ITM2B: variants seen among roughly 807,000 people sequenced by gnomAD.
ITM2B encodes ABri/ADan amyloid peptide.
ITM2B carries 11 observed loss-of-function variants against 27.8 expected under a neutral mutation model. The ratio of observed to expected loss-of-function variants is 0.40; its 90% CI spans 0.25 to 0.66. The LOEUF (loss-of-function observed/expected upper bound fraction) is 0.66. ITM2B is among the 30% of genes least tolerant of loss of function. The pLI is 0.43. For missense variants in ITM2B, 296 were observed against 328.9 expected (o/e 0.90, Z 0.77); for synonymous variants, 114 against 114.3 (o/e 1.00, Z 0.02).
chr13:48,239,179 T>C (rs191801029), intron 1 of ITM2B, among the ~76,000 whole-genome samples: 87 of 152,326 alleles, frequency 5.7e-4, no homozygotes, highest in Non-Finnish European at 4.6e-4. Context: ...ATCCAATTCA[T>C]TTTTTCCTCC....
chr13:48,233,497 G>C lies in ITM2B; in HGVS notation c.117+20G>C, dbSNP rs1239505873. 4 of 1,476,904 alleles carry C rather than the reference G, an allele frequency of 2.7e-6. No individual in the cohort carries two copies. The highest frequency in any genetic ancestry group is 3.6e-6 in the Non-Finnish European group (4 of 1,099,728). The allele number at this position is 1,476,904 out of a possible 1,614,324, so 91.5% of individuals were successfully genotyped here. A position where few individuals can be genotyped will look rare whatever the true frequency, so the allele number is the denominator to read the frequency against. ...TGCAAGGTCCGAGCCCGGGGAGGTCGAGGAAGCGGGTGCTGGGCCCGGCCG... is the reference window on the plus strand; with the variant it reads ...TGCAAGGTCCGAGCCCGGGGAGGTCCAGGAAGCGGGTGCTGGGCCCGGCCG... On this transcript the variant is annotated intron_variant, in intron 1 of 5. Transcript: ENST00000647800.
At chr13:48,235,505 G>T (rs188112837) in intron 1 of ITM2B, among the ~76,000 whole-genome samples, 2 of 152,314 alleles carry the variant, frequency 1.3e-5, no homozygotes, top group Admixed American at 6.5e-5. Flanking sequence ...TTTAGGGGAT[G>T]ACAAAATATT....
rs931633903 is a variant in ITM2B, at chr13:48,238,235, C to A, written c.117+4758C>A. On this transcript the variant is annotated intron_variant, in intron 1 of 5. Coordinates refer to ENST00000647800, the MANE Select transcript of ITM2B (RefSeq NM_021999.5). ...GATTATCCCTTTTAATTAGTACTTA[C>A]AACACATATTTTTAATAGCTTTAAG... Among the ~76,000 whole-genome samples the A allele has an allele frequency of 4.6e-5, 7 of 152,146 alleles. No individual in the cohort carries two copies. In the East Asian group the frequency reaches 1.2e-3, roughly 25 times the overall value.
At chr13:48,243,213 T>G (rs943364777) in intron 1 of ITM2B, among the ~76,000 whole-genome samples, 1 of 152,236 alleles carries the variant, frequency 6.6e-6, no homozygotes, top group African/African-American at 2.4e-5. Context: ...CATTACCAAC[T>G]TTGTAGTTTT....
At chr13:48,252,488 G>A (rs1278374610) in intron 1 of ITM2B, among the ~76,000 whole-genome samples, 3 of 152,076 alleles carry the variant, frequency 2.0e-5, no homozygotes, top group Non-Finnish European at 2.9e-5. Context: ...TAGGTTGTGC[G>A]CTCCTTATGA....
Position 48,234,785 on chromosome 13 carries a change from C to T in ITM2B, c.117+1308C>T, listed in dbSNP as rs537782892. Among the ~76,000 whole-genome samples, 3 of 152,238 alleles carry T rather than the reference C, an allele frequency of 2.0e-5. No individual in the cohort carries two copies. In the East Asian group the frequency reaches 5.8e-4, roughly 29 times the overall value. ...TTGAAATAGGAACAGTGAACTGATT[C>T]CCTAAAAGGATTAAAGGTTTTGGTT... On this transcript the variant is annotated intron_variant, in intron 1 of 5. Transcript: ENST00000647800.
At chr13:48,234,849 A>G (rs922311067) in intron 1 of ITM2B, among the ~76,000 whole-genome samples, 1 of 152,214 alleles carries the variant, frequency 6.6e-6, no homozygotes, top group African/African-American at 2.4e-5. Flanking sequence ...ATTGCAAACA[A>G]TCTTGGTCTT....
intron 1 of ITM2B, among the ~76,000 whole-genome samples, chr13:48,239,961 A>G (rs1004641346): frequency 2.0e-5 from 3 of 152,134 alleles, no homozygotes; most frequent in Admixed American, 1.3e-4. Flanking sequence ...CCCTCACTGA[A>G]TTGTTGGGGA....
At chr13:48,249,375 T>C (rs2137987496) in intron 1 of ITM2B, among the ~76,000 whole-genome samples, 1 of 152,342 alleles carries the variant, frequency 6.6e-6, no homozygotes, top group Admixed American at 6.5e-5. Flanking sequence ...AATTTATTCA[T>C]CAGTTGATGG....
Position 48,244,003 on chromosome 13 carries a change from T to C in ITM2B, c.118-9805T>C, listed in dbSNP as rs187511536. Among the ~76,000 whole-genome samples the C allele has an allele frequency of 7.8e-4, 119 of 152,332 alleles. 1 individual carries two copies. Among genetic ancestry groups the C allele is most frequent in the Admixed American group, 7.1e-3 (109 of 15,304 alleles). On this transcript the variant is annotated intron_variant, in intron 1 of 5. Coordinates refer to ENST00000647800, the MANE Select transcript of ITM2B (RefSeq NM_021999.5). ...AGCAGCACATAGAGTCAAGATAATATTCAGACTTTATTAGCTCTGTGATAT... is the reference window on the plus strand; with the variant it reads ...AGCAGCACATAGAGTCAAGATAATACTCAGACTTTATTAGCTCTGTGATAT...
chr13:48,235,911 TTC>T (rs1232548226), intron 1 of ITM2B, among the ~76,000 whole-genome samples: 1 of 152,238 alleles, frequency 6.6e-6, no homozygotes, highest in African/African-American at 2.4e-5. Flanking sequence ...AAAATGCAGA[TTC>T]TGTTACCTTA....
At chr13:48,235,884 C>G (rs1278086984) in intron 1 of ITM2B, among the ~76,000 whole-genome samples, 1 of 152,216 alleles carries the variant, frequency 6.6e-6, no homozygotes, top group East Asian at 1.9e-4. Flanking sequence ...CTCTTAGGGA[C>G]CACCTGCTCT....
chr13:48,262,097 AATG>A lies in ITM2B; in HGVS notation c.*877_*879del, dbSNP rs1951826394. 6.6e-6 allele frequency: 1 copy of A among 152,166 alleles called. No homozygotes were observed. The highest frequency in any genetic ancestry group is 6.5e-5 in the Admixed American group (1 of 15,268). The allele number at this position is 152,166 out of a possible 1,614,324, so 9.4% of individuals were successfully genotyped here. On this transcript the variant is annotated 3_prime_UTR_variant, in exon 6 of 6. Coordinates refer to ENST00000647800, the MANE Select transcript of ITM2B (RefSeq NM_021999.5). ...AAGTAACATTTAAGCCTCAACCTTG[AATG>A]ATGTTGTTTAATATAAAATGCTTTT...
At chr13:48,256,610 A>T (rs1951790777) in intron 3 of ITM2B, among the ~76,000 whole-genome samples, 1 of 152,100 alleles carries the variant, frequency 6.6e-6, no homozygotes, top group South Asian at 2.1e-4. Context: ...CCACCTCATG[A>T]CTGTTCCTCC....
At chr13:48,247,726 T>G (rs1319215905) in intron 1 of ITM2B, among the ~76,000 whole-genome samples, 2 of 152,212 alleles carry the variant, frequency 1.3e-5, no homozygotes, top group East Asian at 3.8e-4. Flanking sequence ...TATAACTTCT[T>G]AAGTAATTTT....
At position 48,237,911 on chromosome 13, in the gene ITM2B, C is replaced by A. The variant is rs185088436; in HGVS notation, c.117+4434C>A. ...TAAAGGAAGACTCAGAAAAAAAAAT[C>A]TTTTTGGGTTACCAGTAAAATCATC... On this transcript the variant is annotated intron_variant, in intron 1 of 5. Transcript: ENST00000647800. Among the ~76,000 whole-genome samples the A allele has an allele frequency of 1.8e-4, 28 of 152,242 alleles. No homozygotes were observed. In the East Asian group the frequency reaches 5.2e-3, roughly 28 times the overall value.
chr13:48,235,503 A>C (rs567803203), intron 1 of ITM2B, among the ~76,000 whole-genome samples: 4 of 152,220 alleles, frequency 2.6e-5, no homozygotes, highest in African/African-American at 7.2e-5. Flanking sequence ...TCTTTAGGGG[A>C]TGACAAAATA....
chr13:48,259,667 G>T (rs532508023), intron 5 of ITM2B, among the ~76,000 whole-genome samples: 1 of 151,154 alleles, frequency 6.6e-6, no homozygotes, highest in Non-Finnish European at 1.5e-5. Context: ...CATCTCCGGC[G>T]GTTGAGTCAT....
rs1439825691 is a variant in ITM2B, at chr13:48,262,837, T to A, written c.*1613T>A. Reference sequence around the variant, plus strand: ...ACATTTAGGAGAGTCAATGAGACTTTCAGAATGTGAAGTGCATGGGATTAG... The same window carrying A: ...ACATTTAGGAGAGTCAATGAGACTTACAGAATGTGAAGTGCATGGGATTAG... On this transcript the variant is annotated 3_prime_UTR_variant, in exon 6 of 6. Coordinates refer to ENST00000647800, the MANE Select transcript of ITM2B (RefSeq NM_021999.5). 1 of 152,186 alleles carries A rather than the reference T, an allele frequency of 6.6e-6. No homozygotes were observed. Among genetic ancestry groups the A allele is most frequent in the African/African-American group, 2.4e-5 (1 of 41,454 alleles). 9.4% of individuals were successfully genotyped at this position (152,186 alleles called of 1,614,324 possible).
Sources: allele counts gnomAD v4.1 joint callset (sites outside exome capture counted in the v4.1 genomes callset), GRCh38; gene constraint gnomAD v4.1.1; transcripts MANE v1.5; gene names NCBI Gene and HGNC (gene_info 2026-07-23, HGNC 2026-07-21).